Variants in NTM observed in about 807,000 individuals in gnomAD.
NTM encodes the protein IgLON family member 2.
Under a neutral mutation model 42.1 loss-of-function variants are expected in NTM, and 13 were observed. The ratio of observed to expected loss-of-function variants is 0.31; its 90% CI spans 0.20 to 0.49. NTM has a LOEUF of 0.49. Among genes scored for constraint, NTM ranks in the 20% least tolerant of loss-of-function variants. The pLI, the probability that NTM is intolerant of heterozygous loss-of-function variation, is 0.99. For synonymous variants in NTM, 187 were observed against 179.2 expected (o/e 1.04, Z -0.35); for missense variants, 373 against 452.8 (o/e 0.82, Z 1.60).
At chr11:131,373,035 C>A (rs1351728994) in intron 1 of NTM, among the ~76,000 whole-genome samples, 1 of 152,100 alleles carries the variant, frequency 6.6e-6, no homozygotes, top group East Asian at 1.9e-4. Flanking sequence ...CTACCCTCAC[C>A]CAGTCAGCCC....
chr11:131,783,955 C>T (rs1468542450), intron 1 of NTM, among the ~76,000 whole-genome samples: 3 of 152,006 alleles, frequency 2.0e-5, no homozygotes, highest in Admixed American at 6.6e-5. Context: ...ACAAATTATC[C>T]GTTTTTTAAA....
chr11:131,635,298 G>A (rs1382783966), intron 1 of NTM, among the ~76,000 whole-genome samples: 6 of 152,124 alleles, frequency 3.9e-5, no homozygotes, highest in Admixed American at 6.5e-5. Context: ...CATCTCCTGC[G>A]TGTTACTGCC....
chr11:132,198,851 G>T (rs1293717637), intron 3 of NTM, among the ~76,000 whole-genome samples: 2 of 152,202 alleles, frequency 1.3e-5, no homozygotes, highest in Non-Finnish European at 2.9e-5. Context: ...GACAGAGTTG[G>T]CAAATTTTGA....
chr11:132,229,317 C>T (rs914971715), intron 4 of NTM, among the ~76,000 whole-genome samples: 4 of 152,142 alleles, frequency 2.6e-5, no homozygotes, highest in African/African-American at 9.7e-5. Flanking sequence ...CACAGGTGCT[C>T]CCTAACGTGC....
At chr11:132,093,325 A>C (rs2060586719) in intron 2 of NTM, among the ~76,000 whole-genome samples, 1 of 152,178 alleles carries the variant, frequency 6.6e-6, no homozygotes, top group Non-Finnish European at 1.5e-5. Flanking sequence ...TGTATTAGAC[A>C]TGCATGCTTT....
chr11:131,487,434 T>C (rs1266851253), intron 1 of NTM, among the ~76,000 whole-genome samples: 3 of 152,188 alleles, frequency 2.0e-5, no homozygotes, highest in South Asian at 2.1e-4. Context: ...AGCTAATTGA[T>C]TGGTTAAAGG....
chr11:131,587,894 A>G (rs114044405), intron 1 of NTM, among the ~76,000 whole-genome samples: 4 of 152,332 alleles, frequency 2.6e-5, no homozygotes, highest in African/African-American at 4.8e-5. Flanking sequence ...AGAGAGAAAA[A>G]CCAAATCATC....
chr11:131,444,536 CTA>C (rs1024806331), intron 1 of NTM, among the ~76,000 whole-genome samples: 2 of 151,900 alleles, frequency 1.3e-5, no homozygotes, highest in African/African-American at 4.8e-5. Flanking sequence ...AGATCATGGA[CTA>C]TGTTTTGAGA....
Position 131,370,661 on chromosome 11 carries a change from C to A in NTM, c.-146C>A. On this transcript the variant is annotated 5_prime_UTR_variant, in exon 1 of 9. Coordinates refer to ENST00000683400, the MANE Select transcript of NTM (RefSeq NM_001352005.2). ...ACGGAGAAGTCATACTCTCTCACAC[C>A]CTCGGCTTTCTTGTTGTGTCCTTCA... is the stretch of plus-strand genomic sequence containing the variant. 1.5e-6 allele frequency: 1 copy of A among 655,178 alleles called. No individual in the cohort carries two copies. Among genetic ancestry groups the A allele is most frequent in the East Asian group, 2.7e-5 (1 of 36,898 alleles). The allele number at this position is 655,178 out of a possible 1,614,324, so 40.6% of individuals were successfully genotyped here.
intron 2 of NTM, among the ~76,000 whole-genome samples, chr11:132,065,611 C>A (rs1301517081): frequency 6.6e-6 from 1 of 152,154 alleles, no homozygotes; most frequent in Non-Finnish European, 1.5e-5. Flanking sequence ...AAACCCTTGA[C>A]ATGCCATTCA....
chr11:132,257,496 G>A (rs577617598), intron 4 of NTM, among the ~76,000 whole-genome samples: 16 of 152,292 alleles, frequency 1.1e-4, no homozygotes, highest in African/African-American at 2.6e-4. Context: ...AAGCTGGAGC[G>A]GGGAGGGACA....
chr11:131,607,886 T>A (rs1047729371), intron 1 of NTM, among the ~76,000 whole-genome samples: 9 of 110,608 alleles, frequency 8.1e-5, no homozygotes, highest in African/African-American at 2.7e-4. Context: ...TTTGGTTTTT[T>A]GTGTTTTTTT....
chr11:132,163,707 A>G (rs917557811), intron 3 of NTM, among the ~76,000 whole-genome samples: 2 of 152,200 alleles, frequency 1.3e-5, no homozygotes, highest in Non-Finnish European at 2.9e-5. Context: ...CTGTATCCCA[A>G]TTGCCAGCAC....
chr11:131,388,635 G>T lies in NTM; in HGVS notation c.82+17747G>T, dbSNP rs186083727. Among the ~76,000 whole-genome samples the T allele has an allele frequency of 2.0e-5, 3 of 152,174 alleles. No homozygotes were observed. In the East Asian group the frequency reaches 5.8e-4, roughly 29 times the overall value. ...TGTATGAGTTGGCAGGGAAGAAAAAGAATGCTGCTCTTTCTGGCTCATTGT... is the reference window on the plus strand; with the variant it reads ...TGTATGAGTTGGCAGGGAAGAAAAATAATGCTGCTCTTTCTGGCTCATTGT... On this transcript the variant is annotated intron_variant, in intron 1 of 8. Transcript: ENST00000683400.
chr11:131,542,753 G>A (rs778611168), intron 1 of NTM, among the ~76,000 whole-genome samples: 1 of 152,146 alleles, frequency 6.6e-6, no homozygotes, highest in African/African-American at 2.4e-5. Flanking sequence ...TATCAATGCA[G>A]GATTTCCTGA....
rs1224175180 is a variant in NTM, at chr11:132,032,857, AT to A, written c.168-113420del. 6.6e-5 allele frequency among the ~76,000 whole-genome samples: 10 copies of A among 152,320 alleles called. No homozygotes were observed. The East Asian group carries it at 1.7e-3, about 26-fold the overall frequency. ...TATTATGTTGATGTTATGTGTATAT[AT>A]TTTTCCCTAACATCCTAAGTTAAAC... On this transcript the variant is annotated intron_variant, in intron 2 of 8. Coordinates refer to ENST00000683400, the MANE Select transcript of NTM (RefSeq NM_001352005.2).
intron 1 of NTM, among the ~76,000 whole-genome samples, chr11:131,735,217 G>T (rs2080256661): frequency 6.6e-6 from 1 of 152,184 alleles, no homozygotes; most frequent in South Asian, 2.1e-4. Flanking sequence ...GCTAGATGTT[G>T]GCAAAGCTCC....
At chr11:131,626,499 G>T (rs2063119646) in intron 1 of NTM, among the ~76,000 whole-genome samples, 1 of 152,174 alleles carries the variant, frequency 6.6e-6, no homozygotes, top group South Asian at 2.1e-4. Flanking sequence ...CCAAAGGGTG[G>T]CAGCTTACCT....
chr11:131,455,789 G>A lies in NTM; in HGVS notation c.82+84901G>A, dbSNP rs151289819. On this transcript the variant is annotated intron_variant, in intron 1 of 8. Transcript: ENST00000683400. ...CAAGGAGGACTGTCAGCAAGGCAGC[G>A]GGCATACCTCAACTTGGCACGTCAC... 1.5e-3 allele frequency among the ~76,000 whole-genome samples: 224 copies of A among 152,246 alleles called. 1 individual carries two copies. Among genetic ancestry groups the A allele is most frequent in the East Asian group, 9.7e-3 (50 of 5,176 alleles).
Sources: allele counts gnomAD v4.1 joint callset (sites outside exome capture counted in the v4.1 genomes callset), GRCh38; gene constraint gnomAD v4.1.1; transcripts MANE v1.5; gene names NCBI Gene and HGNC (gene_info 2026-07-23, HGNC 2026-07-21).